The following ACAD9 variants were observed in gnomAD, a reference collection of about 807,000 sequenced individuals.
ACAD9 encodes complex I assembly factor ACAD9, mitochondrial.
In ACAD9, 53 loss-of-function variants were observed where a neutral mutation model predicts 70.2. The ratio of observed to expected loss-of-function variants is 0.75; its 90% CI spans 0.61 to 0.95. The LOEUF is 0.95. Ranked by LOEUF, ACAD9 falls within the 40% of genes least tolerant of loss-of-function variation. The pLI, the probability that ACAD9 is intolerant of heterozygous loss-of-function variation, is 0.00. For missense variants in ACAD9, 777 were observed against 802.8 expected (o/e 0.97, Z 0.39); for synonymous variants, 313 against 312.1 (o/e 1.00, Z -0.03).
chr3:128,882,208 C>T (rs1286831299), intron 1 of ACAD9, among the ~76,000 whole-genome samples: 1 of 152,158 alleles, frequency 6.6e-6, no homozygotes, highest in Non-Finnish European at 1.5e-5. Flanking sequence ...TACCTTTGTA[C>T]TCAAAAGCTG....
intron 4 of ACAD9, 84 bp downstream of exon 4, chr3:128,895,500 C>G: frequency 3.8e-6 from 5 of 1,303,988 alleles, no homozygotes; most frequent in Non-Finnish European, 5.4e-6. Flanking sequence ...GGCTTGCTCC[C>G]TCTGAATTGG....
intron 16 of ACAD9, chr3:128,910,357 C>T (rs1260485004): frequency 6.8e-7 from 1 of 1,465,298 alleles, no homozygotes; most frequent in Non-Finnish European, 9.0e-7. Flanking sequence ...GGGTGAGTGA[C>T]AGGGGTTCCT....
rs914022276 is a variant in ACAD9, at chr3:128,912,914, T to C, written c.*307T>C. 5 of 555,188 alleles carry C rather than the reference T, an allele frequency of 9.0e-6. No homozygotes were observed. The highest frequency in any genetic ancestry group is 5.6e-5 in the African/African-American group (3 of 53,604). 34.4% of individuals were successfully genotyped at this position (555,188 alleles called of 1,614,324 possible). On this transcript the variant is annotated 3_prime_UTR_variant, in exon 18 of 18. Transcript: ENST00000308982. ...ACACCATAGTGGAAACTGGGGCTTA[T>C]GCTGCTGCCTCCAGGGTGTGAGGTG... is the stretch of plus-strand genomic sequence containing the variant.
rs1256669295 is a variant in ACAD9, at chr3:128,910,722, C to G, written c.1693-19C>G. On this transcript the variant is annotated intron_variant, in intron 16 of 17. Transcript: ENST00000308982. ...TTCCAGGAATTTGGGCATATCTTTT[C>G]TGTCCTCGGTTCTGGCAGGTTCTCT... is the stretch of plus-strand genomic sequence containing the variant. 9.3e-6 allele frequency: 15 copies of G among 1,613,996 alleles called. No homozygotes were observed. The highest frequency in any genetic ancestry group is 1.3e-5 in the African/African-American group (1 of 74,938).
intron 17 of ACAD9, among the ~76,000 whole-genome samples, 194 bp from the exon 18 acceptor site, chr3:128,912,313 A>T (rs1936420645): frequency 6.6e-6 from 1 of 152,134 alleles, no homozygotes; most frequent in African/African-American, 2.4e-5. Flanking sequence ...GTCCTTTGTA[A>T]CTGAGAATGA....
At chr3:128,891,771 T>C (rs558359356) in intron 2 of ACAD9, among the ~76,000 whole-genome samples, 2 of 152,368 alleles carry the variant, frequency 1.3e-5, no homozygotes, top group East Asian at 3.9e-4. Context: ...CTTTGTTCCT[T>C]TGTACATAGT....
At chr3:128,898,447 C>T (rs1935631879) in intron 6 of ACAD9, 1 of 433,134 alleles carries the variant, frequency 2.3e-6, no homozygotes, top group South Asian at 1.7e-5. Flanking sequence ...GCTCTGTCAC[C>T]CAGGCTGGAG....
In ACAD9 at chr3:128,912,503, C is replaced by T; in HGVS notation, c.1766-4C>T. ...CACCCACCATCTCTCCTTTTCCTTCCCAGATGCTCCAGAAAACCTAGATGA... is the reference window on the plus strand; with the variant it reads ...CACCCACCATCTCTCCTTTTCCTTCTCAGATGCTCCAGAAAACCTAGATGA... On this transcript the variant is annotated splice_polypyrimidine_tract_variant and splice_region_variant and intron_variant, in intron 17 of 17. Transcript: ENST00000308982. 1 of 1,613,030 alleles carries T rather than the reference C, an allele frequency of 6.2e-7. No homozygotes were observed. The highest frequency in any genetic ancestry group is 8.5e-7 in the Non-Finnish European group (1 of 1,179,090).
At chr3:128,908,421 G>A (rs1465155500) in intron 13 of ACAD9, 157 bp downstream of exon 13, 2 of 867,306 alleles carry the variant, frequency 2.3e-6, no homozygotes, top group Non-Finnish European at 3.7e-6. Context: ...GGTAGTGGGG[G>A]GCTTGCTGCC....
Position 128,879,783 on chromosome 3 carries a change from G to A in ACAD9, c.92G>A (p.Arg31His), listed in dbSNP as rs753248658. The A allele has an allele frequency of 1.9e-6, 3 of 1,613,724 alleles. No individual in the cohort carries two copies. Among genetic ancestry groups the A allele is most frequent in the Non-Finnish European group, 2.5e-6 (3 of 1,180,018 alleles). Residue 31 changes from arginine to histidine, a missense_variant, in exon 1 of 18, where the codon CGC (arginine) becomes CAC (histidine). By Grantham distance (29) the Arg-to-His change is conservative. Transcript: ENST00000308982. ...TCTACCGCGAACCGGCGGCTACTGC[G>A]CACCAGCCCGCCTGTACGAGCTTTC... Reference protein sequence around the residue: ...VVSTANRRLLRTSPPVRAFAK... With the variant: ...VVSTANRRLLHTSPPVRAFAK...
Position 128,879,638 on chromosome 3 carries a change from C to T in ACAD9, c.-54C>T. On this transcript the variant is annotated 5_prime_UTR_variant, in exon 1 of 18. Coordinates refer to ENST00000308982, the MANE Select transcript of ACAD9 (RefSeq NM_014049.5). ...TAACGTCATCAGACGTGTGTGTGTC[C>T]CTGCGGCGCTAAGAAGGGGAGACTG... 6.2e-7 allele frequency: 1 copy of T among 1,600,366 alleles called. No homozygotes were observed. The highest frequency in any genetic ancestry group is 2.2e-5 in the East Asian group (1 of 44,684).
At chr3:128,882,106 TA>T (rs34610706) in intron 1 of ACAD9, among the ~76,000 whole-genome samples, 67,777 of 152,002 alleles carry the variant, frequency 0.45, 18,204 homozygotes, top group African/African-American at 0.75. Flanking sequence ...CTTGAACTCC[TA>T]AGGCTCAATA....
intron 15 of ACAD9, 51 bp from the exon 16 acceptor site, chr3:128,909,970 G>C (rs115174494): frequency 4.1e-5 from 66 of 1,605,270 alleles, no homozygotes; most frequent in Non-Finnish European, 5.2e-5. Flanking sequence ...GGGACCATGT[G>C]GGGGACTGGT....
intron 7 of ACAD9, 114 bp from the exon 8 acceptor site, chr3:128,901,162 C>G: frequency 1.0e-6 from 1 of 976,636 alleles, no homozygotes; most frequent in Non-Finnish European, 1.6e-6. Flanking sequence ...CTATACTGTC[C>G]TACCAAACAT....
At chr3:128,904,870 C>T (rs932817105) in intron 11 of ACAD9, among the ~76,000 whole-genome samples, 3 of 152,098 alleles carry the variant, frequency 2.0e-5, no homozygotes, top group Admixed American at 2.0e-4. Context: ...TATGGCAGGG[C>T]GCGGTGGCTC....
chr3:128,886,178 C>A (rs892195423), intron 2 of ACAD9, among the ~76,000 whole-genome samples: 2 of 151,438 alleles, frequency 1.3e-5, no homozygotes, highest in Non-Finnish European at 2.9e-5. Context: ...TCTCGACTCA[C>A]TGCAACCTCT....
rs570397497 is a variant in ACAD9, at chr3:128,893,237, C to T, written c.245-318C>T. Among the ~76,000 whole-genome samples, 117 of 151,488 alleles carry T rather than the reference C, an allele frequency of 7.7e-4. 1 individual carries two copies. Among genetic ancestry groups the T allele is most frequent in the African/African-American group, 2.8e-3 (117 of 41,436 alleles). On this transcript the variant is annotated intron_variant, in intron 2 of 17. Coordinates refer to ENST00000308982, the MANE Select transcript of ACAD9 (RefSeq NM_014049.5). ...TGGTGGTATATACCTGTAGTCCCAGCTTCTCATGAAGCTGAGGCAGGAGGC... is the reference window on the plus strand; with the variant it reads ...TGGTGGTATATACCTGTAGTCCCAGTTTCTCATGAAGCTGAGGCAGGAGGC...
rs1553731035 is a variant in ACAD9, at chr3:128,899,523, G to GTGTGTGTGTGTGT, written c.808+62_808+63insTGTGTGTGTGTGT. 4 of 1,012,140 alleles carry GTGTGTGTGTGTGT rather than the reference G, an allele frequency of 4.0e-6. No individual in the cohort carries two copies. The African/African-American group carries it at 6.8e-5, about 17-fold the overall frequency. The allele number at this position is 1,012,140 out of a possible 1,614,324, so 62.7% of individuals were successfully genotyped here. ...TGTAAGGGGGAGACTGGCCTTTGAC[G>GTGTGTGTGTGTGT]GTGTGTGTGTGTGTGTGTGTGTGTG... On this transcript the variant is annotated intron_variant, in intron 7 of 17. Transcript: ENST00000308982.
At position 128,906,042 on chromosome 3, in the gene ACAD9, C is replaced by T. The variant is rs1487548456; in HGVS notation, c.1150-79C>T. On this transcript the variant is annotated intron_variant, in intron 11 of 17. Coordinates refer to ENST00000308982, the MANE Select transcript of ACAD9 (RefSeq NM_014049.5). Reference sequence around the variant, plus strand: ...CGATCTCCTCCCCAAGCCCGTGTGCCTCCCATGCCTCCCCAGCCACCCAGC... The same window carrying T: ...CGATCTCCTCCCCAAGCCCGTGTGCTTCCCATGCCTCCCCAGCCACCCAGC... 10 of 1,605,296 alleles carry T rather than the reference C, an allele frequency of 6.2e-6. No homozygotes were observed. The East Asian group carries it at 2.2e-4, about 36-fold the overall frequency.
Sources: allele counts gnomAD v4.1 joint callset (sites outside exome capture counted in the v4.1 genomes callset), GRCh38; gene constraint gnomAD v4.1.1; transcripts MANE v1.5; gene names NCBI Gene and HGNC (gene_info 2026-07-23, HGNC 2026-07-21).